The following PKIB variants were observed in gnomAD, a reference collection of about 807,000 sequenced individuals.
The protein encoded by PKIB is cAMP-dependent protein kinase inhibitor beta.
A neutral mutation model predicts 4.5 loss-of-function variants in PKIB; 2 were observed. The ratio of observed to expected loss-of-function variants is 0.44; its 90% CI spans 0.18 to 1.39. The LOEUF is 1.39. Among genes scored for constraint, PKIB ranks in the 40% most tolerant of loss-of-function variants. PKIB has a pLI of 0.27. For missense variants in PKIB, 94 were observed against 92.6 expected (o/e 1.02, Z -0.06); for synonymous variants, 38 against 36.0 (o/e 1.06, Z -0.20).
intron 1 of PKIB, among the ~76,000 whole-genome samples, chr6:122,632,924 T>A (rs1452589865): frequency 6.6e-6 from 1 of 152,246 alleles, no homozygotes; most frequent in East Asian, 1.9e-4. Flanking sequence ...TTAGTAAGAA[T>A]GTCTCTGACT....
intron 2 of PKIB, chr6:122,644,366 C>T (rs1776233265): frequency 6.6e-6 from 1 of 152,172 alleles, no homozygotes; most frequent in Non-Finnish European, 1.5e-5. Context: ...CCTTGCTTTG[C>T]CCCTTTCTGG....
intron 2 of PKIB, chr6:122,481,991 CGCGGT>C (rs1775629342): frequency 2.1e-5 from 3 of 143,994 alleles, no homozygotes; most frequent in Non-Finnish European, 4.5e-5. Context: ...GGCGGAGTCT[CGCGGT>C]AGCCCAGGCT....
intron 2 of PKIB, among the ~76,000 whole-genome samples, chr6:122,646,123 A>G (rs1776306852): frequency 1.3e-5 from 2 of 152,194 alleles, no homozygotes; most frequent in South Asian, 2.1e-4. Flanking sequence ...GGAAGAGGTT[A>G]TCTATCTAAG....
intron 3 of PKIB, among the ~76,000 whole-genome samples, chr6:122,711,632 T>TA (rs1342948843): frequency 6.6e-6 from 1 of 152,176 alleles, no homozygotes; most frequent in Non-Finnish European, 1.5e-5. Context: ...CACAGACACA[T>TA]ACTCAAGGAG....
chr6:122,597,766 G>A (rs754720626), intron 3 of PKIB, among the ~76,000 whole-genome samples: 4 of 152,184 alleles, frequency 2.6e-5, no homozygotes, highest in Non-Finnish European at 5.9e-5. Context: ...CAGTCAGGGA[G>A]CCAATGTGGG....
chr6:122,507,311 A>G (rs148231402), intron 2 of PKIB, among the ~76,000 whole-genome samples: 193 of 152,320 alleles, frequency 1.3e-3, no homozygotes, highest in Admixed American at 2.0e-3. Context: ...CTGTAGGCTC[A>G]GGCATCTAAA....
intron 2 of PKIB, among the ~76,000 whole-genome samples, chr6:122,565,228 C>T (rs1206038150): frequency 6.6e-6 from 1 of 152,114 alleles, no homozygotes; most frequent in Non-Finnish European, 1.5e-5. Context: ...TCATAGCTAA[C>T]ACCTTCTTCT....
chr6:122,687,012 TG>T (rs1488875193), intron 3 of PKIB, among the ~76,000 whole-genome samples: 1 of 152,188 alleles, frequency 6.6e-6, no homozygotes, highest in African/African-American at 2.4e-5. Flanking sequence ...TGCCTGTGCT[TG>T]TGAGTTATTA....
At chr6:122,561,218 C>T (rs1484211041) in intron 2 of PKIB, among the ~76,000 whole-genome samples, 2 of 151,934 alleles carry the variant, frequency 1.3e-5, no homozygotes, top group Non-Finnish European at 2.9e-5. Context: ...TGCTGTATCC[C>T]AGAGGTTTTG....
chr6:122,592,138 TA>T (rs1208519279), intron 3 of PKIB, among the ~76,000 whole-genome samples: 3 of 151,854 alleles, frequency 2.0e-5, no homozygotes, highest in African/African-American at 7.2e-5. Flanking sequence ...CCCTTTACAT[TA>T]AAAAATAAAT....
intron 3 of PKIB, among the ~76,000 whole-genome samples, chr6:122,596,445 G>A (rs749950939): frequency 3.3e-5 from 5 of 152,148 alleles, no homozygotes; most frequent in African/African-American, 4.8e-5. Context: ...GCCTGATCAC[G>A]TATATACCAC....
chr6:122,503,764 G>A (rs991955023), intron 2 of PKIB, among the ~76,000 whole-genome samples: 1 of 152,180 alleles, frequency 6.6e-6, no homozygotes, highest in Admixed American at 6.5e-5. Flanking sequence ...GTGAGACACA[G>A]TGATTTTTAA....
chr6:122,724,009 G>A (rs985866454), intron 4 of PKIB, among the ~76,000 whole-genome samples: 2 of 152,134 alleles, frequency 1.3e-5, no homozygotes, highest in Admixed American at 6.6e-5. Context: ...AATGAGAGTT[G>A]AAGAACTGAA....
intron 3 of PKIB, among the ~76,000 whole-genome samples, chr6:122,587,802 T>C (rs1262244416): frequency 6.6e-6 from 1 of 152,214 alleles, no homozygotes; most frequent in African/African-American, 2.4e-5. Context: ...TTTTCATGTG[T>C]CTTTTGGCTG....
At chr6:122,567,009 C>T (rs6934682) in intron 2 of PKIB, among the ~76,000 whole-genome samples, 140,588 of 152,206 alleles carry the variant, frequency 0.92, 65,100 homozygotes, top group East Asian at 1. Flanking sequence ...CAAATGTCTT[C>T]CCAAAATAAT....
intron 2 of PKIB, among the ~76,000 whole-genome samples, chr6:122,524,169 CTCCTCCTCCTCTTCA>C (rs1777028122): frequency 1.5e-5 from 2 of 134,032 alleles, no homozygotes; most frequent in South Asian, 4.9e-4. Flanking sequence ...CTTGCCCTTC[CTCCTCCTCCTCTTCA>C]TCCTCCTCTT....
intron 3 of PKIB, among the ~76,000 whole-genome samples, chr6:122,679,401 T>C (rs1339965346): frequency 2.0e-5 from 3 of 152,054 alleles, no homozygotes. Context: ...CTTTTCCTGA[T>C]GTAAGGGGAT....
chr6:122,629,625 A>G (rs2815584), intron 1 of PKIB, among the ~76,000 whole-genome samples: 58,448 of 151,952 alleles, frequency 0.38, 12,403 homozygotes, highest in South Asian at 0.63. Context: ...GAAACCTGAC[A>G]AACACTATCT....
intron 2 of PKIB, among the ~76,000 whole-genome samples, chr6:122,657,758 A>G (rs920960257): frequency 6.6e-6 from 1 of 152,220 alleles, no homozygotes; most frequent in African/African-American, 2.4e-5. Flanking sequence ...TATGGAAGCA[A>G]TCCAATTTAA....
Sources: allele counts gnomAD v4.1 joint callset (sites outside exome capture counted in the v4.1 genomes callset), GRCh38; gene constraint gnomAD v4.1.1; transcripts MANE v1.5; gene names NCBI Gene and HGNC (gene_info 2026-07-23, HGNC 2026-07-21).